MIS18A: variants seen among roughly 807,000 people sequenced by gnomAD.
MIS18A encodes the protein MIS18 kinetochore protein A, also known as protein Mis18-alpha.
In MIS18A, 14 loss-of-function variants were observed where a neutral mutation model predicts 25.0. The ratio of observed to expected loss-of-function variants is 0.56; its 90% CI spans 0.37 to 0.88. The LOEUF (loss-of-function observed/expected upper bound fraction) is 0.88. Among genes scored for constraint, MIS18A ranks in the 40% least tolerant of loss-of-function variants. MIS18A has a pLI of 0.00. For missense variants in MIS18A, 292 were observed against 290.8 expected, an observed-to-expected ratio of 1.00 and a Z score of -0.03; for synonymous variants, 134 against 118.6, an observed-to-expected ratio of 1.13 and a Z score of -0.84.
At chr21:32,251,758 T>G in the MIS18A span, among the ~76,000 whole-genome samples, 1 of 152,242 alleles carries the variant, frequency 6.6e-6, no homozygotes, top group Non-Finnish European at 1.5e-5. Flanking sequence ...AACTAATGTC[T>G]TTTGCCAGGC....
chr21:32,181,599 C>T, the MIS18A span, among the ~76,000 whole-genome samples: 30 of 152,130 alleles, frequency 2.0e-4, no homozygotes, highest in African/African-American at 7.0e-4. Flanking sequence ...AGGGAAACTG[C>T]CCCGCCTGCT....
chr21:32,199,679 G>A, the MIS18A span, among the ~76,000 whole-genome samples: 1 of 152,002 alleles, frequency 6.6e-6, no homozygotes. Context: ...ATGGTGACAC[G>A]CACCTGTAAT....
chr21:32,223,829 A>G, the MIS18A span, among the ~76,000 whole-genome samples: 1 of 152,258 alleles, frequency 6.6e-6, no homozygotes, highest in Non-Finnish European at 1.5e-5. Flanking sequence ...CAACAAAAAA[A>G]GAAAATTTCA....
chr21:32,278,180 G>A (rs1268057446), intron 1 of MIS18A: 1 of 154,398 alleles, frequency 6.5e-6, no homozygotes, highest in African/African-American at 2.4e-5. Flanking sequence ...TTTTCATGGG[G>A]TTGTTGGTGC....
the MIS18A span, among the ~76,000 whole-genome samples, chr21:32,261,884 A>T: frequency 1.3e-5 from 2 of 152,196 alleles, no homozygotes; most frequent in Non-Finnish European, 2.9e-5. Context: ...ACTGCAGGGA[A>T]AGGAACTCAT....
At chr21:32,270,037 G>A (rs1490880342) in intron 3 of MIS18A, among the ~76,000 whole-genome samples, 4 of 152,030 alleles carry the variant, frequency 2.6e-5, no homozygotes, top group Non-Finnish European at 5.9e-5. Flanking sequence ...CCACAGCACT[G>A]CACTCCAGCC....
the MIS18A span, among the ~76,000 whole-genome samples, chr21:32,215,672 C>T: frequency 6.6e-6 from 1 of 152,166 alleles, no homozygotes; most frequent in Non-Finnish European, 1.5e-5. Flanking sequence ...CGCTGCCTTT[C>T]TTTCTTGCCC....
At chr21:32,186,133 C>T in the MIS18A span, among the ~76,000 whole-genome samples, 6 of 152,200 alleles carry the variant, frequency 3.9e-5, no homozygotes, top group Admixed American at 6.5e-5. Context: ...TATGGCATCA[C>T]GGCAACATTG....
the MIS18A span, among the ~76,000 whole-genome samples, chr21:32,227,438 C>T: frequency 4.6e-5 from 7 of 151,274 alleles, no homozygotes; most frequent in Non-Finnish European, 1.0e-4. Flanking sequence ...GGCAATTGTA[C>T]ACCAAAAAAT....
the MIS18A span, among the ~76,000 whole-genome samples, chr21:32,237,111 T>A: frequency 7.6e-6 from 1 of 131,984 alleles, no homozygotes; most frequent in Non-Finnish European, 1.5e-5. Context: ...TGGGCAGAAG[T>A]GACGTGTGTT....
the MIS18A span, among the ~76,000 whole-genome samples, chr21:32,185,464 T>C: frequency 6.6e-6 from 1 of 152,156 alleles, no homozygotes; most frequent in East Asian, 1.9e-4. Context: ...CCAGGCTACC[T>C]GTGATGCTGT....
chr21:32,171,871 C>T, the MIS18A span, among the ~76,000 whole-genome samples: 2 of 151,916 alleles, frequency 1.3e-5, no homozygotes, highest in Non-Finnish European at 1.5e-5. Context: ...AGATACCATC[C>T]CATGTTCATG....
At chr21:32,231,703 G>A in the MIS18A span, among the ~76,000 whole-genome samples, 1 of 152,170 alleles carries the variant, frequency 6.6e-6, no homozygotes. Flanking sequence ...CATGAGGTCA[G>A]GAGAGCGAGA....
At chr21:32,275,656 G>A (rs1264995707) in intron 1 of MIS18A, among the ~76,000 whole-genome samples, 2 of 152,134 alleles carry the variant, frequency 1.3e-5, no homozygotes, top group East Asian at 1.9e-4. Flanking sequence ...ACCTAAAATG[G>A]CCAAAACAGA....
chr21:32,168,390 A>G, the MIS18A span, among the ~76,000 whole-genome samples: 2 of 152,266 alleles, frequency 1.3e-5, no homozygotes, highest in Admixed American at 6.5e-5. Context: ...AATAAAAATG[A>G]GAAAGAAATG....
the MIS18A span, among the ~76,000 whole-genome samples, chr21:32,188,311 A>T: frequency 1.3e-5 from 2 of 152,258 alleles, no homozygotes; most frequent in African/African-American, 2.4e-5. Flanking sequence ...CAGCATTGGC[A>T]GTAGCCAGAA....
the MIS18A span, among the ~76,000 whole-genome samples, chr21:32,236,714 A>C: frequency 6.6e-6 from 1 of 152,146 alleles, no homozygotes; most frequent in South Asian, 2.1e-4. Flanking sequence ...CATGACCTGG[A>C]TCACACATCA....
chr21:32,178,685 G>T, the MIS18A span, among the ~76,000 whole-genome samples: 1 of 152,078 alleles, frequency 6.6e-6, no homozygotes, highest in Non-Finnish European at 1.5e-5. Flanking sequence ...TAAGTACAAG[G>T]TACTCTTTCC....
the MIS18A span, among the ~76,000 whole-genome samples, chr21:32,174,555 AG>A: frequency 6.6e-6 from 1 of 152,202 alleles, no homozygotes; most frequent in African/African-American, 2.4e-5. Flanking sequence ...TCAATGAATA[AG>A]TGGTCAATTT....
Sources: gnomAD v4.1 joint callset for allele counts (sites outside exome capture counted in the v4.1 genomes callset) on GRCh38, gnomAD v4.1.1 for gene constraint, MANE v1.5 for transcripts, NCBI Gene and HGNC (gene_info 2026-07-23, HGNC 2026-07-21) for gene names.